The following GOLGB1 variants were observed in gnomAD, a reference collection of about 807,000 sequenced individuals.
The protein encoded by GOLGB1 is golgin subfamily B member 1.
Under a neutral mutation model 336.9 loss-of-function variants are expected in GOLGB1, and 174 were observed. The ratio of observed to expected loss-of-function variants is 0.52; its 90% confidence interval spans 0.46 to 0.59. The LOEUF (loss-of-function observed/expected upper bound fraction) is 0.59, where lower values mean the gene tolerates loss of function less well. Among genes scored for constraint, GOLGB1 ranks in the 20% least tolerant of loss-of-function variants. The pLI is 0.00. For synonymous variants in GOLGB1, 1,208 were observed against 1,289.2 expected, an observed-to-expected ratio of 0.94 and a Z score of 1.35; for missense variants, 3,331 against 3,645.3, an observed-to-expected ratio of 0.91 and a Z score of 2.22.
chr3:121,701,769 G>C (rs1450108940), intron 11 of GOLGB1, among the ~76,000 whole-genome samples: 1 of 151,584 alleles, frequency 6.6e-6, no homozygotes, highest in Non-Finnish European at 1.5e-5. Flanking sequence ...GTAAAGCAAA[G>C]ATGGAAAAAA....
intron 1 of GOLGB1, among the ~76,000 whole-genome samples, chr3:121,746,891 G>C (rs1947327995): frequency 6.6e-6 from 1 of 151,648 alleles, no homozygotes. Flanking sequence ...CAGTCACATA[G>C]TTCGACAAAG....
At chr3:121,748,565 T>G (rs1947533006) in intron 1 of GOLGB1, among the ~76,000 whole-genome samples, 1 of 152,192 alleles carries the variant, frequency 6.6e-6, no homozygotes, top group African/African-American at 2.4e-5. Flanking sequence ...CTGCATCTAT[T>G]CCAAAACCAA....
At position 121,747,769 on chromosome 3, in the gene GOLGB1, G is replaced by A. The variant is rs564874692; in HGVS notation, c.-3+1863C>T. Among the ~76,000 whole-genome samples the A allele has an allele frequency of 6.6e-5, 10 of 152,140 alleles. No homozygotes were observed. In the South Asian group the frequency reaches 2.1e-3, roughly 32 times the overall value. On this transcript the variant is annotated intron_variant, in intron 1 of 21. Coordinates refer to ENST00000614479, the MANE Select transcript of GOLGB1 (RefSeq NM_001366282.2). The stretch of plus-strand genomic sequence containing the variant: ...TGCTTACTTCTGGGAAGTGGGGAAT[G>A]GAGATGGGTAGATCAGTAGATAGAA...
rs1369268481 is a variant in GOLGB1, at chr3:121,663,497, A to G, written c.*983T>C. The G allele has an allele frequency of 1.3e-5, 2 of 152,172 alleles. No homozygotes were observed. Among genetic ancestry groups the G allele is most frequent in the Non-Finnish European group, 2.9e-5 (2 of 68,034 alleles). 9.4% of individuals were successfully genotyped at this position (152,172 alleles called of 1,614,324 possible). On this transcript the variant is annotated 3_prime_UTR_variant, in exon 22 of 22. Transcript: ENST00000614479. ...TTTGTCTTCTCTATATTCTCCTTCC[A>G]TTGCCACAGAGGGCAGAGACAATGG...
chr3:121,686,646 G>T (rs1941762158), intron 14 of GOLGB1, among the ~76,000 whole-genome samples: 1 of 132,316 alleles, frequency 7.6e-6, no homozygotes, highest in Non-Finnish European at 1.7e-5. Flanking sequence ...AAAAAATAGT[G>T]TACAGAAATT....
chr3:121,667,957 C>A, intron 19 of GOLGB1, 104 bp downstream of exon 19: 1 of 618,270 alleles, frequency 1.6e-6, no homozygotes, highest in Non-Finnish European at 2.9e-6. Context: ...AATAAGATAA[C>A]AAGACATATT....
In GOLGB1 at chr3:121,698,119, G is replaced by C. The variant is rs747732197; in HGVS notation, c.2404C>G (p.Gln802Glu). The C allele has an allele frequency of 1.9e-6, 3 of 1,613,690 alleles. No individual in the cohort carries two copies. The highest frequency in any genetic ancestry group is 2.2e-5 in the South Asian group (2 of 91,084). The part of the protein sequence containing the change: ...QTAHDNLLTE[Q>E]IHSLSIEAKS... ...GCTTCTATGCTGAGACTATGGATCT[G>C]TTCAGTGAGCAGGTTGTCATGGGCA... Residue 802 changes from glutamine to glutamate, a missense_variant, in exon 13 of 22, where the codon CAG becomes GAG. By Grantham distance (29) the Gln-to-Glu change is conservative. Transcript: ENST00000614479.
At position 121,726,934 on chromosome 3, in the gene GOLGB1, T is replaced by C; in HGVS notation, c.510A>G (p.Ala170=). 1.2e-6 allele frequency: 2 copies of C among 1,603,892 alleles called. No individual in the cohort carries two copies. Among genetic ancestry groups the C allele is most frequent in the Non-Finnish European group, 1.7e-6 (2 of 1,173,982 alleles). Residue 170 remains alanine (A), a synonymous_variant, in exon 5 of 22, where the codon GCA becomes GCG. Transcript: ENST00000614479. ...CTACCTGTGCAGGTTGTTCTGCCTG[T>C]GCCTGAGTAAGCTGGGCTTGCAAAG... ...ISTLQAQLTQ[A]QAEQPAQSST...
rs1271669605 is a variant in GOLGB1, at chr3:121,696,569, T to C, written c.3954A>G (p.Glu1318=). The part of the protein sequence containing the change: ...SVAQIKAQLK[E]IEAEKVELEL... Reference sequence around the variant, plus strand: ...CTAACTCTACTTTCTCAGCCTCTATTTCCTTCAGCTGGGCCTTAATCTGGG... The same window carrying C: ...CTAACTCTACTTTCTCAGCCTCTATCTCCTTCAGCTGGGCCTTAATCTGGG... The change falls in exon 13 of 22, where the codon GAA becomes GAG. Residue 1318 remains glutamate (E), a synonymous_variant. Transcript: ENST00000614479. 1 of 1,614,210 alleles carries C rather than the reference T, an allele frequency of 6.2e-7. No homozygotes were observed. The highest frequency in any genetic ancestry group is 1.1e-5 in the South Asian group (1 of 91,082).
At chr3:121,670,278 TTA>T (rs1416845688) in intron 17 of GOLGB1, among the ~76,000 whole-genome samples, 11 of 152,178 alleles carry the variant, frequency 7.2e-5, no homozygotes, top group Admixed American at 7.2e-4. Context: ...ACCATGTACA[TTA>T]TATGAGAGGA....
intron 10 of GOLGB1, among the ~76,000 whole-genome samples, chr3:121,707,331 G>A (rs903282306): frequency 6.7e-6 from 1 of 149,906 alleles, no homozygotes; most frequent in African/African-American, 2.5e-5. Context: ...ATTAAAAGAA[G>A]TCCTTCAGAG....
chr3:121,681,692 C>T lies in GOLGB1; in HGVS notation c.8868G>A (p.Gln2956=), dbSNP rs1941092524. ...GGAGGGATTATATATAGTACCTGAG[C>T]TGATGCAGCTCATGCTGCCAGGAGA... ...ENLSWQHELH[Q]LRMEKSSWEI... The change falls in exon 15 of 22, where the codon CAG becomes CAA. Residue 2956 remains glutamine (Q), a synonymous_variant. Transcript: ENST00000614479. The T allele has an allele frequency of 6.3e-7, 1 of 1,591,238 alleles. No homozygotes were observed. The highest frequency in any genetic ancestry group is 8.6e-7 in the Non-Finnish European group (1 of 1,164,444).
In GOLGB1 at chr3:121,738,561, C is replaced by T. The variant is rs371297608; in HGVS notation, c.-2-7588G>A. Among the ~76,000 whole-genome samples, 40 of 152,312 alleles carry T rather than the reference C, an allele frequency of 2.6e-4. No individual in the cohort carries two copies. In the East Asian group the frequency reaches 7.5e-3, roughly 29 times the overall value. ...CCTCAAAAGAGCCAGTGGGCATTCA[C>T]TGGCAAATGCGCCAAGCCAATTACA... On this transcript the variant is annotated intron_variant, in intron 1 of 21. Coordinates refer to ENST00000614479, the MANE Select transcript of GOLGB1 (RefSeq NM_001366282.2).
At position 121,695,019 on chromosome 3, in the gene GOLGB1, C is replaced by T. The variant is rs953778705; in HGVS notation, c.5504G>A (p.Ser1835Asn). The change falls in exon 13 of 22, where the codon AGC (serine) becomes AAC (asparagine). Residue 1835 changes from serine to asparagine, a missense_variant. Transcript: ENST00000614479. The stretch of plus-strand genomic sequence containing the variant: ...GTAGTTATTAATTTCATCATGTGAG[C>T]TGAAATCCTTACTTACAGCAGGGTT... ...SANPAVSKDF[S>N]SHDEINNYLQ... The T allele has an allele frequency of 1.2e-6, 2 of 1,613,680 alleles. No individual in the cohort carries two copies. Among genetic ancestry groups the T allele is most frequent in the African/African-American group, 2.7e-5 (2 of 75,026 alleles).
intron 1 of GOLGB1, among the ~76,000 whole-genome samples, chr3:121,735,724 A>C (rs1055393179): frequency 4.6e-5 from 7 of 152,238 alleles, no homozygotes; most frequent in Non-Finnish European, 7.3e-5. Flanking sequence ...ATAAATGCAG[A>C]AATAAGTATA....
Position 121,730,599 on chromosome 3 carries a change from G to C in GOLGB1, c.96+277C>G, listed in dbSNP as rs553297522. On this transcript the variant is annotated intron_variant, in intron 2 of 21. Coordinates refer to ENST00000614479, the MANE Select transcript of GOLGB1 (RefSeq NM_001366282.2). ...GTGGAAAAGGAATAGCCAAGGATGA[G>C]AACAAAGGACTTAAAACACTCTGGC... Among the ~76,000 whole-genome samples the C allele has an allele frequency of 4.6e-5, 7 of 152,296 alleles. No homozygotes were observed. In the East Asian group the frequency reaches 5.8e-4, roughly 13 times the overall value.
chr3:121,742,139 A>G (rs1946906442), intron 1 of GOLGB1, among the ~76,000 whole-genome samples: 1 of 152,244 alleles, frequency 6.6e-6, no homozygotes, highest in East Asian at 1.9e-4. Flanking sequence ...ATGGAACCAA[A>G]AAAGAGCCTG....
rs777872116 is a variant in GOLGB1 at position 121,677,072 on chromosome 3, G to A, written c.9040-42C>T. The A allele has an allele frequency of 9.9e-6, 16 of 1,611,288 alleles. No homozygotes were observed. The South Asian group carries it at 1.8e-4, about 18-fold the overall frequency. On this transcript the variant is annotated intron_variant, in intron 16 of 21. Transcript: ENST00000614479. ...ATTGATCAGATTCTCTCCTAAGATT[G>A]CGCATGCTTAATTCCTTCCCTCTAG...
intron 1 of GOLGB1, 55 bp from the exon 2 acceptor site, chr3:121,731,028 T>A: frequency 6.5e-7 from 1 of 1,530,386 alleles, no homozygotes; most frequent in Non-Finnish European, 8.9e-7. Context: ...GAACATAGGC[T>A]TCTCCTATAT....
Sources: gnomAD v4.1 joint callset for allele counts (sites outside exome capture counted in the v4.1 genomes callset) on GRCh38, gnomAD v4.1.1 for gene constraint, MANE v1.5 for transcripts, NCBI Gene and HGNC (gene_info 2026-07-23, HGNC 2026-07-21) for gene names.